The following TANC1 variants were observed in gnomAD, a reference collection of about 807,000 sequenced individuals.
TANC1 encodes protein TANC1.
Under a neutral mutation model 149.7 loss-of-function variants are expected in TANC1, and 77 were observed. That is an observed-to-expected ratio of 0.51 (90% CI 0.43 to 0.62). The LOEUF (loss-of-function observed/expected upper bound fraction) is 0.62, where lower values mean the gene tolerates loss of function less well. Ranked by LOEUF, TANC1 falls within the 20% of genes least tolerant of loss-of-function variation. The probability of loss-of-function intolerance (pLI) is 0.00; values close to 1 mark genes in which losing one functional copy is unlikely to be tolerated. For synonymous variants in TANC1, 854 were observed against 925.0 expected (o/e 0.92, Z 1.39); for missense variants, 1,985 against 2,321.8 (o/e 0.85, Z 2.98).
At chr2:159,101,443 T>G (rs1356200152) in intron 4 of TANC1, among the ~76,000 whole-genome samples, 1 of 152,226 alleles carries the variant, frequency 6.6e-6, no homozygotes, top group African/African-American at 2.4e-5. Flanking sequence ...GTTACATGAT[T>G]GAGTTTCTTA....
chr2:159,054,055 T>TG (rs2041667605), intron 2 of TANC1, among the ~76,000 whole-genome samples: 1 of 152,184 alleles, frequency 6.6e-6, no homozygotes, highest in Non-Finnish European at 1.5e-5. Flanking sequence ...GAGCCGTGTG[T>TG]ATGTTTGGCC....
At chr2:158,990,025 C>T (rs1275308131) in intron 1 of TANC1, among the ~76,000 whole-genome samples, 9 of 152,002 alleles carry the variant, frequency 5.9e-5, no homozygotes, top group Non-Finnish European at 8.8e-5. Context: ...AAGCGATTCT[C>T]CTGCCTCAGC....
intron 2 of TANC1, chr2:159,004,275 G>C (rs2036921996): frequency 6.2e-7 from 1 of 1,612,122 alleles, no homozygotes; most frequent in East Asian, 2.2e-5. Context: ...TGATGTTCCA[G>C]ATCTTGTAGA....
At chr2:159,062,629 C>G (rs1559187241) in intron 2 of TANC1, among the ~76,000 whole-genome samples, 1 of 152,150 alleles carries the variant, frequency 6.6e-6, no homozygotes, top group Non-Finnish European at 1.5e-5. Context: ...TCAATATTCT[C>G]CATGTCTTAA....
At chr2:159,162,266 G>A (rs973744467) in intron 7 of TANC1, among the ~76,000 whole-genome samples, 9 of 152,324 alleles carry the variant, frequency 5.9e-5, no homozygotes, top group South Asian at 2.1e-4. Flanking sequence ...CAGGAGCTGG[G>A]TTCTGAATGC....
At chr2:159,221,442 G>A (rs1487674855) in intron 22 of TANC1, among the ~76,000 whole-genome samples, 1 of 152,152 alleles carries the variant, frequency 6.6e-6, no homozygotes, top group African/African-American at 2.4e-5. Context: ...GATACCAGAA[G>A]TTACTCCTCC....
chr2:159,177,368 T>C (rs1028931502), intron 13 of TANC1, among the ~76,000 whole-genome samples: 2 of 152,196 alleles, frequency 1.3e-5, no homozygotes, highest in Non-Finnish European at 2.9e-5. Context: ...CATTGACTCC[T>C]TCTATACCTA....
intron 4 of TANC1, among the ~76,000 whole-genome samples, chr2:159,124,343 CAAA>C (rs952223507): frequency 1.3e-5 from 2 of 152,046 alleles, no homozygotes; most frequent in Non-Finnish European, 2.9e-5. Flanking sequence ...GATTTTGTCT[CAAA>C]AACAAAAAAC....
At position 159,230,130 on chromosome 2, in the gene TANC1, G is replaced by T; in HGVS notation, c.4704G>T (p.Gly1568=). 1 of 1,614,062 alleles carries T rather than the reference G, an allele frequency of 6.2e-7. No homozygotes were observed. The highest frequency in any genetic ancestry group is 1.1e-5 in the South Asian group (1 of 91,084). Residue 1568 remains glycine, a synonymous_variant, in exon 27 of 27, where the codon GGG becomes GGT. Transcript: ENST00000263635. The surrounding 1 kb of genome is among the most constrained non-coding windows in gnomAD (Gnocchi z 4.4). ...ACCCTCCTCCAAGTCCCATGCCAGGGAGAATCGCTGCCACTCCTGCTGGGA... is the reference window on the plus strand; with the variant it reads ...ACCCTCCTCCAAGTCCCATGCCAGGTAGAATCGCTGCCACTCCTGCTGGGA... ...SQNPPPSPMP[G]RIAATPAGSR... is the part of the protein sequence containing the mutation.
intron 19 of TANC1, among the ~76,000 whole-genome samples, 189 bp from the exon 20 acceptor site, chr2:159,217,308 C>T (rs2059408492): frequency 6.6e-6 from 1 of 152,178 alleles, no homozygotes; most frequent in Non-Finnish European, 1.5e-5. Context: ...GGACCTGGGC[C>T]TTGACATGCA....
At chr2:158,969,355 G>C (rs2032480409) in intron 1 of TANC1, among the ~76,000 whole-genome samples, 1 of 152,260 alleles carries the variant, frequency 6.6e-6, no homozygotes, top group South Asian at 2.1e-4. Flanking sequence ...TGGGCTGAAA[G>C]TCTATTGCTT....
At position 159,229,970 on chromosome 2, in the gene TANC1, G is replaced by A; in HGVS notation, c.4544G>A (p.Arg1515Lys). Residue 1515 changes from arginine (R) to lysine (K), a missense_variant, in exon 27 of 27, where the codon AGA becomes AAA. By Grantham distance (26) the Arg-to-Lys change is conservative. Coordinates refer to ENST00000263635, the MANE Select transcript of TANC1 (RefSeq NM_033394.3). The part of the protein sequence containing the change: ...QSRAGIGKSL[R>K]EPVAQPGLLL... Reference sequence around the variant, plus strand: ...AGGGCAGGAATCGGCAAGTCCCTGAGAGAGCCTGTGGCCCAGCCAGGGCTG... The same window carrying A: ...AGGGCAGGAATCGGCAAGTCCCTGAAAGAGCCTGTGGCCCAGCCAGGGCTG... 6.2e-7 allele frequency: 1 copy of A among 1,614,074 alleles called. No homozygotes were observed.
chr2:159,153,840 C>A (rs2053136208), intron 7 of TANC1, among the ~76,000 whole-genome samples: 2 of 152,134 alleles, frequency 1.3e-5, no homozygotes, highest in Non-Finnish European at 2.9e-5. Context: ...AAGGTGTAGC[C>A]TGGGAATGGC....
Position 159,097,929 on chromosome 2 carries a change from A to G in TANC1, c.259+95A>G, listed in dbSNP as rs74764916. 1.1e-3 allele frequency: 1,249 copies of G among 1,098,332 alleles called. 14 individuals are homozygous for G. The African/African-American group carries it at 0.017, about 15-fold the overall frequency. The allele number at this position is 1,098,332 out of a possible 1,614,324, so 68.0% of individuals were successfully genotyped here. ...TGCCCATGAGAAATCTTCTGGGACA[A>G]TGTTTTTTCTTTGTCGCAGTATCTT... On this transcript the variant is annotated intron_variant, in intron 4 of 26. Coordinates refer to ENST00000263635, the MANE Select transcript of TANC1 (RefSeq NM_033394.3).
intron 22 of TANC1, among the ~76,000 whole-genome samples, chr2:159,222,967 A>G (rs1367669787): frequency 6.6e-6 from 1 of 152,226 alleles, no homozygotes; most frequent in Non-Finnish European, 1.5e-5. Context: ...GTGCAGTGGT[A>G]GAATTTCAAC....
intron 19 of TANC1, among the ~76,000 whole-genome samples, chr2:159,213,115 G>C (rs1433112604): frequency 6.6e-6 from 1 of 152,074 alleles, no homozygotes. Flanking sequence ...CATGAATTTT[G>C]TCTTACAAGA....
chr2:159,026,702 C>G (rs1019342721), intron 2 of TANC1, among the ~76,000 whole-genome samples: 1 of 152,028 alleles, frequency 6.6e-6, no homozygotes, highest in Non-Finnish European at 1.5e-5. Context: ...CTTGTACCTT[C>G]TGGAGTGCTG....
intron 3 of TANC1, among the ~76,000 whole-genome samples, chr2:159,093,264 G>A (rs2045735542): frequency 6.6e-6 from 1 of 152,244 alleles, no homozygotes; most frequent in African/African-American, 2.4e-5. Flanking sequence ...ATAGGTCATA[G>A]TTAAAAGAAA....
At chr2:159,162,130 C>A (rs752196983) in intron 7 of TANC1, among the ~76,000 whole-genome samples, 1 of 152,170 alleles carries the variant, frequency 6.6e-6, no homozygotes, top group Non-Finnish European at 1.5e-5. Flanking sequence ...ACTTCTAAAC[C>A]GTAAAGAATA....
Sources: allele counts gnomAD v4.1 joint callset (sites outside exome capture counted in the v4.1 genomes callset), GRCh38; gene constraint gnomAD v4.1.1; non-coding constraint Gnocchi (gnomAD v3.1); transcripts MANE v1.5; gene names NCBI Gene and HGNC (gene_info 2026-07-23, HGNC 2026-07-21).